Variants in KLHDC4 observed in about 807,000 individuals in gnomAD.
KLHDC4 encodes kelch domain-containing protein 4.
In KLHDC4, 90 loss-of-function variants were observed where a neutral mutation model predicts 62.4. That is an observed-to-expected ratio of 1.44 (90% confidence interval 1.22 to 1.72). The LOEUF is 1.72. KLHDC4 is among the 40% of genes most tolerant of loss of function. KLHDC4 has a pLI of 0.00. For missense variants in KLHDC4, 1,025 were observed against 699.7 expected (o/e 1.47, Z -5.25); for synonymous variants, 386 against 284.4 (o/e 1.36, Z -3.59).
chr16:87,747,263 C>G (rs4843697), intron 5 of KLHDC4, among the ~76,000 whole-genome samples: 92,746 of 149,082 alleles, frequency 0.62, 28,725 homozygotes, highest in East Asian at 0.8. Context: ...ACAGAGACTT[C>G]ACTCTCCTCA....
At chr16:87,709,040 C>G (rs2035233383) in intron 10 of KLHDC4, among the ~76,000 whole-genome samples, 1 of 152,270 alleles carries the variant, frequency 6.6e-6, no homozygotes, top group South Asian at 2.1e-4. Context: ...AGAGCCGCAG[C>G]TCCCGTCAGC....
At chr16:87,703,245 G>C (rs1441355047), downstream of KLHDC4, 1 of 151,902 alleles carries the variant, frequency 6.6e-6, no homozygotes, top group Non-Finnish European at 1.5e-5. Context: ...GCGCGTGCAG[G>C]AATCGCGAGT....
At chr16:87,718,183 T>A (rs1407356564) in intron 7 of KLHDC4, among the ~76,000 whole-genome samples, 1 of 152,244 alleles carries the variant, frequency 6.6e-6, no homozygotes, top group African/African-American at 2.4e-5. Context: ...ACGGCCTTGT[T>A]GCCCTCTGTT....
intron 5 of KLHDC4, among the ~76,000 whole-genome samples, chr16:87,748,284 C>CA (rs952419397): frequency 6.6e-6 from 1 of 152,214 alleles, no homozygotes; most frequent in Non-Finnish European, 1.5e-5. Context: ...ACCAACTCGA[C>CA]ACAGAAAGAA....
intron 5 of KLHDC4, among the ~76,000 whole-genome samples, chr16:87,734,794 G>A (rs1033549997): frequency 1.3e-5 from 2 of 152,122 alleles, no homozygotes; most frequent in Non-Finnish European, 2.9e-5. Flanking sequence ...AGACTCCACA[G>A]CAGCTCCATC....
At chr16:87,738,247 T>C (rs1311819182) in intron 5 of KLHDC4, among the ~76,000 whole-genome samples, 1 of 152,168 alleles carries the variant, frequency 6.6e-6, no homozygotes, top group African/African-American at 2.4e-5. Context: ...CCGAGGAGCC[T>C]TCTCCAGGAA....
At chr16:87,754,839 C>G (rs892793257) in intron 4 of KLHDC4, among the ~76,000 whole-genome samples, 1 of 152,240 alleles carries the variant, frequency 6.6e-6, no homozygotes, top group Non-Finnish European at 1.5e-5. Context: ...TTTCCTTCCA[C>G]CATGCACACC....
chr16:87,755,362 A>C (rs2143297214), intron 3 of KLHDC4, 70 bp from the exon 4 acceptor site: 1 of 816,084 alleles, frequency 1.2e-6, no homozygotes, highest in South Asian at 1.5e-5. Context: ...GAACAATCTT[A>C]ATCATGACAA....
At chr16:87,737,628 C>T (rs1055134963) in intron 5 of KLHDC4, among the ~76,000 whole-genome samples, 1 of 151,100 alleles carries the variant, frequency 6.6e-6, no homozygotes, top group African/African-American at 2.4e-5. Flanking sequence ...CGCTCTGTCA[C>T]CCAGGCTGGA....
intron 5 of KLHDC4, among the ~76,000 whole-genome samples, chr16:87,737,836 C>A (rs563849351): frequency 8.5e-5 from 13 of 152,050 alleles, no homozygotes. Flanking sequence ...GGTGATCCGC[C>A]TGCCTCGGCC....
chr16:87,718,391 C>T (rs1217588097), intron 7 of KLHDC4, among the ~76,000 whole-genome samples: 38 of 137,836 alleles, frequency 2.8e-4, no homozygotes, highest in Admixed American at 5.8e-4. Flanking sequence ...CCCTCTCCCT[C>T]TCTCTCCACG....
chr16:87,764,573 T>C (rs1462493856), intron 1 of KLHDC4, among the ~76,000 whole-genome samples: 4 of 131,618 alleles, frequency 3.0e-5, no homozygotes, highest in Admixed American at 1.9e-4. Context: ...CACTTGAACC[T>C]GGGAGGCGGA....
chr16:87,745,426 G>A (rs556647709), intron 5 of KLHDC4, among the ~76,000 whole-genome samples: 7 of 152,358 alleles, frequency 4.6e-5, no homozygotes, highest in South Asian at 2.1e-4. Context: ...ACCACCTCCC[G>A]GAACGTGAGC....
At chr16:87,756,311 G>T in intron 3 of KLHDC4, 88 bp downstream of exon 3, 2 of 967,106 alleles carry the variant, frequency 2.1e-6, no homozygotes, top group Non-Finnish European at 3.3e-6. Flanking sequence ...AGGGGCTAAC[G>T]CATATTTGAT....
rs1464912803 is a variant in KLHDC4, at chr16:87,711,248, T to C, written c.1031A>G (p.Glu344Gly). The change falls in exon 9 of 12, where the codon GAG becomes GGG. Residue 344 changes from glutamate (E) to glycine (G), a missense_variant. By Grantham distance (98) the Glu-to-Gly change is moderately conservative (BLOSUM62 -2). Transcript: ENST00000270583. ...FYDATRNRWF[E>G]GQLKGPKSEK... ...AGGTTGCACTACCTTCAGCTGTCCC[T>C]CAAACCAACGGTTCCTGGTGGCGTC... 6.2e-7 allele frequency: 1 copy of C among 1,614,026 alleles called. No homozygotes were observed. The highest frequency in any genetic ancestry group is 1.7e-5 in the Admixed American group (1 of 60,022).
chr16:87,744,394 G>A (rs1460191197), intron 5 of KLHDC4, among the ~76,000 whole-genome samples: 5 of 146,172 alleles, frequency 3.4e-5, no homozygotes, highest in African/African-American at 5.1e-5. Context: ...CAGCCTGGGC[G>A]ACGAGAATGA....
At chr16:87,718,549 T>C (rs577616022) in intron 7 of KLHDC4, among the ~76,000 whole-genome samples, 1 of 151,750 alleles carries the variant, frequency 6.6e-6, no homozygotes, top group East Asian at 1.9e-4. Flanking sequence ...TTTGCTGGAG[T>C]GCAGTGGCGT....
At chr16:87,733,665 C>T (rs1356413713) in intron 5 of KLHDC4, among the ~76,000 whole-genome samples, 4 of 134,200 alleles carry the variant, frequency 3.0e-5, no homozygotes, top group African/African-American at 5.6e-5. Flanking sequence ...GAATCCACTC[C>T]CTGGGATCCT....
chr16:87,745,028 A>C (rs1418421634), intron 5 of KLHDC4, among the ~76,000 whole-genome samples: 1 of 152,250 alleles, frequency 6.6e-6, no homozygotes, highest in African/African-American at 2.4e-5. Context: ...TTTTCCAAGC[A>C]TATGTTGTTC....
Sources: allele counts gnomAD v4.1 joint callset (sites outside exome capture counted in the v4.1 genomes callset), GRCh38; gene constraint gnomAD v4.1.1; transcripts MANE v1.5; gene names NCBI Gene and HGNC (gene_info 2026-07-23, HGNC 2026-07-21).